Variants in TUSC3 observed in about 807,000 individuals in gnomAD.
TUSC3 encodes the protein dolichyl-diphosphooligosaccharide--protein glycosyltransferase subunit TUSC3.
Under a neutral mutation model 44.8 loss-of-function variants are expected in TUSC3, and 45 were observed. The observed-to-expected ratio is 1.00, with a 90% CI of 0.79 to 1.29. TUSC3 has a LOEUF of 1.29. Ranked by LOEUF, TUSC3 falls within the 50% of genes most tolerant of loss-of-function variation. The probability of loss-of-function intolerance (pLI) is 0.00; values close to 1 mark genes in which losing one functional copy is unlikely to be tolerated. For missense variants in TUSC3, 519 were observed against 437.9 expected (o/e 1.19, Z -1.65); for synonymous variants, 212 against 152.9 (o/e 1.39, Z -2.85).
At chr8:15,447,681 A>T (rs992749788) in intron 1 of TUSC3, among the ~76,000 whole-genome samples, 1 of 151,770 alleles carries the variant, frequency 6.6e-6, no homozygotes. Context: ...AAAAGCATGA[A>T]CATAATTATG....
chr8:15,657,298 C>T (rs192840347), intron 3 of TUSC3, among the ~76,000 whole-genome samples: 6 of 152,128 alleles, frequency 3.9e-5, no homozygotes, highest in South Asian at 2.1e-4. Context: ...TTTTTGTCTT[C>T]TATTTTATTA....
chr8:15,749,836 G>C (rs1811616264), intron 9 of TUSC3, among the ~76,000 whole-genome samples: 1 of 145,034 alleles, frequency 6.9e-6, no homozygotes, highest in Non-Finnish European at 1.5e-5. Flanking sequence ...TGTAAATTAA[G>C]AAAAATAGAA....
chr8:15,418,930 C>G (rs1488470484), intron 1 of TUSC3, among the ~76,000 whole-genome samples: 1 of 152,116 alleles, frequency 6.6e-6, no homozygotes, highest in African/African-American at 2.4e-5. Context: ...CACATGAGCC[C>G]TGGAGGTTGA....
At chr8:15,539,345 C>CTGTTTTTTTT (rs1801592062), upstream of TUSC3, among the ~76,000 whole-genome samples, 1 of 69,396 alleles carries the variant, frequency 1.4e-5, no homozygotes, top group Non-Finnish European at 2.5e-5. Flanking sequence ...TGCTATGGTT[C>CTGTTTTTTTT]TTTTTTTTTT....
intron 1 of TUSC3, among the ~76,000 whole-genome samples, chr8:15,607,909 A>T (rs1334884032): frequency 6.6e-6 from 1 of 152,122 alleles, no homozygotes; most frequent in Non-Finnish European, 1.5e-5. Flanking sequence ...TTGTCTAGTT[A>T]TGGAACGTAA....
At chr8:15,424,480 A>G (rs144923185) in intron 1 of TUSC3, among the ~76,000 whole-genome samples, 4 of 152,288 alleles carry the variant, frequency 2.6e-5, no homozygotes, top group African/African-American at 9.6e-5. Flanking sequence ...AAAGGGATAG[A>G]TGTGGTTTCT....
intron 2 of TUSC3, among the ~76,000 whole-genome samples, chr8:15,487,147 G>A (rs1800743470): frequency 6.6e-6 from 1 of 152,066 alleles, no homozygotes; most frequent in African/African-American, 2.4e-5. Flanking sequence ...TGTTTGTTTA[G>A]TTTTATTGTG....
chr8:15,436,448 T>C (rs1253392624), intron 1 of TUSC3, among the ~76,000 whole-genome samples: 1 of 152,212 alleles, frequency 6.6e-6, no homozygotes, highest in Non-Finnish European at 1.5e-5. Context: ...GACCTCCGCT[T>C]TGCTGTTTTG....
intron 1 of TUSC3, among the ~76,000 whole-genome samples, chr8:15,423,977 T>TTG (rs869142203): frequency 0.078 from 6,224 of 79,980 alleles, 1,029 homozygotes; most frequent in Non-Finnish European, 0.1. Context: ...TTGTTTTTTT[T>TTG]TTTTTTTTTT....
At chr8:15,806,962 A>G in the TUSC3 span, 1,048 of 1,467,354 alleles carry the variant, frequency 7.1e-4, 3 homozygotes, top group African/African-American at 9.7e-3. Context: ...GTGTTCATCA[A>G]TCTCCAGGAA....
At chr8:15,565,304 G>A (rs1297977202) in intron 1 of TUSC3, among the ~76,000 whole-genome samples, 1 of 151,918 alleles carries the variant, frequency 6.6e-6, no homozygotes, top group Non-Finnish European at 1.5e-5. Flanking sequence ...TCCTGTTACA[G>A]AGACCCTTAC....
chr8:15,595,351 AGG>A (rs1804023198), intron 1 of TUSC3, among the ~76,000 whole-genome samples: 1 of 151,988 alleles, frequency 6.6e-6, no homozygotes, highest in East Asian at 1.9e-4. Context: ...CTGTGATTCT[AGG>A]TGCCTTGGTT....
In TUSC3 at chr8:15,662,152, G is replaced by A. The variant is rs574794024; in HGVS notation, c.568-4G>A. On this transcript the variant is annotated splice_polypyrimidine_tract_variant and splice_region_variant and intron_variant, in intron 4 of 10. Coordinates refer to ENST00000503731, the MANE Select transcript of TUSC3 (RefSeq NM_006765.4). Reference sequence around the variant, plus strand: ...TTTTTGAAATTTCTATTGCATTTTTGCAGATTCGGGTTTTCAGACCACCCA... The same window carrying A: ...TTTTTGAAATTTCTATTGCATTTTTACAGATTCGGGTTTTCAGACCACCCA... 44 of 1,612,182 alleles carry A rather than the reference G, an allele frequency of 2.7e-5. No homozygotes were observed. The highest frequency in any genetic ancestry group is 1.7e-4 in the Middle Eastern group (1 of 6,052).
intron 1 of TUSC3, among the ~76,000 whole-genome samples, chr8:15,453,607 G>A (rs1800220323): frequency 1.3e-5 from 2 of 151,440 alleles, no homozygotes; most frequent in Non-Finnish European, 3.0e-5. Flanking sequence ...ATGCATAAAT[G>A]CATGAATTTG....
chr8:15,465,203 C>T (rs1800398875), intron 1 of TUSC3, among the ~76,000 whole-genome samples: 1 of 152,112 alleles, frequency 6.6e-6, no homozygotes, highest in Non-Finnish European at 1.5e-5. Flanking sequence ...TTTCCATTGC[C>T]AAATGTATCA....
Position 15,560,809 on chromosome 8 carries a change from T to G in TUSC3, c.138+20241T>G, listed in dbSNP as rs867854350. 1.2e-3 allele frequency among the ~76,000 whole-genome samples: 131 copies of G among 105,978 alleles called. 2 individuals carry two copies. Among genetic ancestry groups the G allele is most frequent in the Middle Eastern group, 0.012 (3 of 250 alleles). The allele number at this position is 105,978 out of a possible 152,430, so 69.5% of individuals were successfully genotyped here. A position where few individuals can be genotyped will look rare whatever the true frequency, so the allele number is the denominator to read the frequency against. On this transcript the variant is annotated intron_variant, in intron 1 of 10. Coordinates refer to ENST00000503731, the MANE Select transcript of TUSC3 (RefSeq NM_006765.4). ...AGTTGATCGCATCGGCTCCTGAGGC[T>G]TCTGCATTCTTCACGTAGTTCTCGA...
chr8:15,613,423 A>G (rs74914921), intron 1 of TUSC3, among the ~76,000 whole-genome samples: 3 of 152,170 alleles, frequency 2.0e-5, no homozygotes, highest in Non-Finnish European at 2.9e-5. Flanking sequence ...GTGTCTTAGC[A>G]TTTGTAAGAT....
At chr8:15,613,177 G>A (rs545186507) in intron 1 of TUSC3, among the ~76,000 whole-genome samples, 1 of 150,330 alleles carries the variant, frequency 6.7e-6, no homozygotes, top group South Asian at 2.1e-4. Context: ...AGTAGGATCT[G>A]TCTTATTTGT....
rs146867844 is a variant in TUSC3, at chr8:15,478,339, G to A, written n.92-5047G>A. ...GTGCAGGGTTTTTACATAAGTATAC[G>A]TGTGCCATGGTAGTTTGCTGCCCCA... On this transcript the variant is annotated intron_variant and non_coding_transcript_variant, in intron 1 of 5. Coordinates refer to the TUSC3 transcript ENST00000503191. 1.2e-3 allele frequency among the ~76,000 whole-genome samples: 187 copies of A among 152,070 alleles called. 2 individuals carry two copies. Among genetic ancestry groups the A allele is most frequent in the South Asian group, 2.5e-3 (12 of 4,822 alleles).
Sources: gnomAD v4.1 joint callset for allele counts (sites outside exome capture counted in the v4.1 genomes callset) on GRCh38, gnomAD v4.1.1 for gene constraint, MANE v1.5 for transcripts, NCBI Gene and HGNC (gene_info 2026-07-23, HGNC 2026-07-21) for gene names.